Variants in GPR143 observed in about 807,000 individuals in gnomAD.
The protein encoded by GPR143 is G-protein coupled receptor 143.
Under a neutral mutation model 27.6 loss-of-function variants are expected in GPR143, and 8 were observed. That is an observed-to-expected ratio of 0.29 (90% confidence interval 0.17 to 0.52). The LOEUF (loss-of-function observed/expected upper bound fraction) is 0.52. Among genes scored for constraint, GPR143 ranks in the 20% least tolerant of loss-of-function variants. GPR143 has a pLI of 0.96. For missense variants in GPR143, 303 were observed against 343.1 expected (o/e 0.88, Z 0.92); for synonymous variants, 156 against 153.2 (o/e 1.02, Z -0.13).
At chrX:9,742,647 A>T (rs2083409434) in intron 6 of GPR143, among the ~76,000 whole-genome samples, 1 of 112,205 alleles carries the variant, frequency 8.9e-6, no homozygotes, top group African/African-American at 3.2e-5. Context: ...GTCTGTTTTC[A>T]AAGTATCCAC....
At chrX:9,768,633 T>C (rs761968701), upstream of GPR143, among the ~76,000 whole-genome samples, 2 of 111,250 alleles carry the variant, frequency 1.8e-5, 1 homozygote, top group South Asian at 7.6e-4. Context: ...TGAGCTGTGA[T>C]TGCACCACCA....
At position 9,725,685 on chromosome X, in the gene GPR143, C is replaced by A. The variant is rs145923021; in HGVS notation, c.*61G>T. 45 of 897,396 alleles carry A rather than the reference C, an allele frequency of 5.0e-5. No homozygotes were observed. The highest frequency in any genetic ancestry group is 7.8e-5 in the African/African-American group (4 of 50,996). The allele number at this position is 897,396 out of a possible 1,213,427, so 74.0% of individuals were successfully genotyped here. ...GTGTTGGGAAGGTGAGAACACAGTT[C>A]TAAAGAACAAGAATTGTTGAGTCTG... On this transcript the variant is annotated 3_prime_UTR_variant, in exon 9 of 9. Transcript: ENST00000467482.
Position 9,759,382 on chromosome X carries a change from A to G in GPR143, c.405T>C (p.Phe135=). 1 of 1,201,363 alleles carries G rather than the reference A, an allele frequency of 8.3e-7. No individual in the cohort carries two copies. The highest frequency in any genetic ancestry group is 1.8e-5 in the South Asian group (1 of 55,730). ...LLYSACFWWL[F]CYAVDAYLVI... ...CCAGATAAGCATCCACTGCATAGCAAAACAGCCACCAGAAGCAGGCACTGT... is the reference window on the plus strand; with the variant it reads ...CCAGATAAGCATCCACTGCATAGCAGAACAGCCACCAGAAGCAGGCACTGT... Residue 135 remains phenylalanine, a synonymous_variant, in exon 3 of 9, where the codon TTT becomes TTC. Coordinates refer to ENST00000467482, the MANE Select transcript of GPR143 (RefSeq NM_000273.3).
At chrX:9,753,848 C>T (rs145695309) in intron 3 of GPR143, among the ~76,000 whole-genome samples, 1,888 of 112,000 alleles carry the variant, frequency 0.017, 19 homozygotes, top group Non-Finnish European at 0.026. Flanking sequence ...ACATGCTTCC[C>T]GAGAGGAGAG....
intron 3 of GPR143, among the ~76,000 whole-genome samples, chrX:9,753,009 G>C: frequency 9.0e-6 from 1 of 111,078 alleles, no homozygotes; most frequent in Non-Finnish European, 1.9e-5. Context: ...GTCAGTTTAA[G>C]TGTAAGTCTG....
At chrX:9,770,321 AAAAGAGAGAGAGAGAG>A (rs2083549716), upstream of GPR143, among the ~76,000 whole-genome samples, 1 of 88,168 alleles carries the variant, frequency 1.1e-5, no homozygotes. Flanking sequence ...GAAAGAAAGA[AAAAGAGAGAGAGAGAG>A]AGAGAGAGAG....
At position 9,760,729 on chromosome X, in the gene GPR143, G is replaced by A. The variant is rs1191147473; in HGVS notation, c.348C>T (p.Cys116=). Residue 116 remains cysteine, a synonymous_variant, in exon 2 of 9, where the codon TGC becomes TGT. Transcript: ENST00000467482. ...NHTEIWPAAF[C]VGSAMWIQLL... Reference sequence around the variant, plus strand: ...GGGGTGGACTCACCGCACTCCCCACGCAGAAAGCAGCAGGCCAAATTTCCG... The same window carrying A: ...GGGGTGGACTCACCGCACTCCCCACACAGAAAGCAGCAGGCCAAATTTCCG... The A allele has an allele frequency of 8.5e-6, 10 of 1,171,347 alleles. No homozygotes were observed. In the East Asian group the frequency reaches 8.9e-5, roughly 10 times the overall value.
chrX:9,735,558 T>TA (rs75375720), intron 8 of GPR143, among the ~76,000 whole-genome samples: 2,435 of 105,869 alleles, frequency 0.023, 79 homozygotes, highest in African/African-American at 0.076. Flanking sequence ...TTCACAGGTT[T>TA]AAAAAAAAAA....
At chrX:9,743,239 A>AAAAAAC (rs2083412654) in intron 6 of GPR143, among the ~76,000 whole-genome samples, 1 of 109,064 alleles carries the variant, frequency 9.2e-6, no homozygotes, top group Non-Finnish European at 1.9e-5. Flanking sequence ...AAAAAAAAAA[A>AAAAAAC]AAAAGCATAC....
intron 8 of GPR143, among the ~76,000 whole-genome samples, chrX:9,735,166 T>C (rs1256052307): frequency 3.6e-5 from 4 of 112,234 alleles, no homozygotes; most frequent in African/African-American, 1.3e-4. Context: ...CGCGATGCAT[T>C]ACGTGTTTTC....
intron 8 of GPR143, among the ~76,000 whole-genome samples, chrX:9,727,560 G>C (rs2083333668): frequency 8.8e-6 from 1 of 113,255 alleles, no homozygotes; most frequent in Non-Finnish European, 1.9e-5. Context: ...AAGTGACCAA[G>C]AATAAAATCC....
chrX:9,766,732 C>T (rs1327847614), upstream of GPR143, among the ~76,000 whole-genome samples: 1 of 109,785 alleles, frequency 9.1e-6, no homozygotes, highest in Non-Finnish European at 1.9e-5. Context: ...TATCAAAAAA[C>T]GAAACAAAAC....
chrX:9,763,908 C>A (rs2034304800), intron 1 of GPR143, among the ~76,000 whole-genome samples: 1 of 112,682 alleles, frequency 8.9e-6, no homozygotes, highest in East Asian at 2.8e-4. Flanking sequence ...TGCACATGAA[C>A]AACATAGCTG....
At chrX:9,730,926 C>T (rs1214660992) in intron 8 of GPR143, among the ~76,000 whole-genome samples, 1 of 111,095 alleles carries the variant, frequency 9.0e-6, no homozygotes, top group Non-Finnish European at 1.9e-5. Context: ...GGAAACAAGC[C>T]CCAACTGGTC....
rs375691621 is a variant in GPR143 at position 9,728,048 on chromosome X, C to T, written c.1121-2208G>A. Among the ~76,000 whole-genome samples the T allele has an allele frequency of 5.3e-5, 6 of 112,641 alleles. No homozygotes were observed. In the East Asian group the frequency reaches 1.7e-3, roughly 32 times the overall value. ...GGACACCCTCTCTAAAACCATGCTC[C>T]TACCTCCTCCCTGATTTTTCTTCAT... On this transcript the variant is annotated intron_variant, in intron 8 of 8. Transcript: ENST00000467482.
intron 1 of GPR143, among the ~76,000 whole-genome samples, chrX:9,775,374 GAAC>G (rs752252517): frequency 8.9e-6 from 1 of 112,015 alleles, no homozygotes; most frequent in African/African-American, 3.2e-5. Flanking sequence ...GAAGAGAGGT[GAAC>G]AACAGGAGCC....
At chrX:9,732,845 G>A (rs1163407194) in intron 8 of GPR143, among the ~76,000 whole-genome samples, 1 of 85,130 alleles carries the variant, frequency 1.2e-5, no homozygotes, top group African/African-American at 4.6e-5. Context: ...CTTGGCGACA[G>A]AGTGAATGAA....
intron 8 of GPR143, among the ~76,000 whole-genome samples, chrX:9,729,120 T>C (rs1424356775): frequency 4.5e-5 from 5 of 111,120 alleles, no homozygotes; most frequent in Non-Finnish European, 9.4e-5. Context: ...GTTTTGTCAG[T>C]GTGGTGAATC....
In GPR143 at chrX:9,739,522, C is replaced by T. The variant is rs1185539067; in HGVS notation, c.1083G>A (p.Gly361=). Residue 361 remains glycine, a synonymous_variant, in exon 8 of 9, where the codon GGG becomes GGA. Coordinates refer to ENST00000467482, the MANE Select transcript of GPR143 (RefSeq NM_000273.3). Reference sequence around the variant, plus strand: ...TGCTCAGGGCTTCGTCAGAAGTCTGCCCACCCACTTGAGACACCTTCCCGG... The same window carrying T: ...TGCTCAGGGCTTCGTCAGAAGTCTGTCCACCCACTTGAGACACCTTCCCGG... ...PASGKVSQVG[G]QTSDEALSML... is the part of the protein sequence containing the mutation. The T allele has an allele frequency of 8.3e-7, 1 of 1,209,609 alleles. No homozygotes were observed. Among genetic ancestry groups the T allele is most frequent in the Non-Finnish European group, 1.1e-6 (1 of 893,680 alleles).
Sources: allele counts gnomAD v4.1 joint callset (sites outside exome capture counted in the v4.1 genomes callset), GRCh38; gene constraint gnomAD v4.1.1; transcripts MANE v1.5; gene names NCBI Gene and HGNC (gene_info 2026-07-23, HGNC 2026-07-21).